Variants in UGT1A5 observed in about 807,000 individuals in gnomAD.
UGT1A5 encodes the protein UDP-glucuronosyltransferase 1A5.
A neutral mutation model predicts 40.3 loss-of-function variants in UGT1A5; 29 were observed. That is an observed-to-expected ratio of 0.72 (90% CI 0.54 to 0.98). The LOEUF (loss-of-function observed/expected upper bound fraction) is 0.98. Ranked by LOEUF, UGT1A5 falls within the 50% of genes least tolerant of loss-of-function variation. The pLI is 0.00. For missense variants in UGT1A5, 678 were observed against 677.9 expected, an observed-to-expected ratio of 1.00 and a Z score of 0.00; for synonymous variants, 257 against 262.5, an observed-to-expected ratio of 0.98 and a Z score of 0.20.
chr2:233,725,079 C>A lies in UGT1A5; in HGVS notation c.867+11221C>A, dbSNP rs370992455. ...GCGCGCGCCTGCAATCGCAGGCACT[C>A]GGCAGGCTGAGGCAGGAGAATCAGG... On this transcript the variant is annotated intron_variant, in intron 1 of 4. Transcript: ENST00000373414. 3.5e-5 allele frequency among the ~76,000 whole-genome samples: 5 copies of A among 144,208 alleles called. 1 individual carries two copies. Among genetic ancestry groups the A allele is most frequent in the Admixed American group, 7.0e-5 (1 of 14,340 alleles). 94.6% of individuals were successfully genotyped at this position (144,208 alleles called of 152,430 possible).
At chr2:233,761,294 G>A in intron 1 of UGT1A5, 1 of 1,510,470 alleles carries the variant, frequency 6.6e-7, no homozygotes, top group East Asian at 2.3e-5. Context: ...TGACTCCTAG[G>A]TTTGAGTCTG....
chr2:233,736,812 A>G (rs2078811468), intron 1 of UGT1A5, among the ~76,000 whole-genome samples: 1 of 152,062 alleles, frequency 6.6e-6, no homozygotes, highest in South Asian at 2.1e-4. Context: ...CTGGAGGTCC[A>G]CTCCAGATGC....
At chr2:233,734,972 G>C (rs1474652770) in intron 1 of UGT1A5, among the ~76,000 whole-genome samples, 2 of 152,238 alleles carry the variant, frequency 1.3e-5, no homozygotes, top group East Asian at 1.9e-4. Context: ...ATGTGGTGCT[G>C]AGAAGAATGT....
At position 233,760,622 on chromosome 2, in the gene UGT1A5, C is replaced by G. The variant is rs766978023; in HGVS notation, c.868-6412C>G. The G allele has an allele frequency of 2.5e-6, 4 of 1,614,144 alleles. No individual in the cohort carries two copies. The East Asian group carries it at 8.9e-5, about 36-fold the overall frequency. ...TCTTTCCTGCAGCGTGTGATCAAAA[C>G]ATACAAGAAAATAAAAAAGGACTCT... On this transcript the variant is annotated intron_variant, in intron 1 of 4. Coordinates refer to ENST00000373414, the MANE Select transcript of UGT1A5 (RefSeq NM_019078.2).
At chr2:233,723,030 C>T (rs1559367712) in intron 1 of UGT1A5, among the ~76,000 whole-genome samples, 1 of 143,404 alleles carries the variant, frequency 7.0e-6, no homozygotes, top group Non-Finnish European at 1.5e-5. Context: ...GAAGGGCCAG[C>T]GGGAGAGGCA....
intron 1 of UGT1A5, among the ~76,000 whole-genome samples, chr2:233,737,441 G>A (rs780915851): frequency 1.6e-4 from 24 of 152,174 alleles, no homozygotes; most frequent in Non-Finnish European, 2.1e-4. Flanking sequence ...GGAGTGTCCC[G>A]TTTTTCCAGG....
rs752305202 is a variant in UGT1A5, at chr2:233,769,534, G to A, written c.1307+1095G>A. ...CTCCCATGGTTACCTCCTTTAGAAA[G>A]AAGCAGCAGTCAGGAAGACAGATGT... On this transcript the variant is annotated intron_variant, in intron 4 of 4. Transcript: ENST00000373414. This position sits in a 1 kb window ranked among gnomAD's most constrained non-coding sequence, Gnocchi z 4.4. 1.9e-6 allele frequency: 3 copies of A among 1,612,926 alleles called. No homozygotes were observed. Among genetic ancestry groups the A allele is most frequent in the Non-Finnish European group, 2.5e-6 (3 of 1,179,884 alleles).
intron 1 of UGT1A5, among the ~76,000 whole-genome samples, chr2:233,742,449 T>C (rs1691982228): frequency 6.6e-6 from 1 of 151,986 alleles, no homozygotes. Flanking sequence ...GGGCCAGGTG[T>C]TCCTTGCCCT....
At position 233,769,700 on chromosome 2, in the gene UGT1A5, T is replaced by A; in HGVS notation, c.1307+1261T>A. The A allele has an allele frequency of 3.3e-6, 5 of 1,527,942 alleles. No homozygotes were observed. The highest frequency in any genetic ancestry group is 4.4e-6 in the Non-Finnish European group (5 of 1,136,410). 94.6% of individuals were successfully genotyped at this position (1,527,942 alleles called of 1,614,324 possible). On this transcript the variant is annotated intron_variant, in intron 4 of 4. Transcript: ENST00000373414. This position sits in a 1 kb window ranked among gnomAD's most constrained non-coding sequence, Gnocchi z 4.4. Reference sequence around the variant, plus strand: ...GTGTGTGGTGGCACTGGATAAAAGATCAATGTTGGCTAGGCACCATGGCAC... The same window carrying A: ...GTGTGTGGTGGCACTGGATAAAAGAACAATGTTGGCTAGGCACCATGGCAC...
chr2:233,726,035 G>A (rs1399776855), intron 1 of UGT1A5, among the ~76,000 whole-genome samples: 10 of 152,160 alleles, frequency 6.6e-5, no homozygotes, highest in Admixed American at 4.6e-4. Context: ...GTGTGATGGC[G>A]CACACCTGTG....
intron 1 of UGT1A5, chr2:233,747,945 G>T (rs1354187104): frequency 6.2e-7 from 1 of 1,613,364 alleles, no homozygotes; most frequent in East Asian, 2.2e-5. Flanking sequence ...GGAGGTGTCA[G>T]TGGTGGATCT....
Position 233,772,452 on chromosome 2 carries a change from G to A in UGT1A5, c.1498G>A (p.Val500Met), listed in dbSNP as rs199723856. 1.2e-4 allele frequency: 186 copies of A among 1,614,176 alleles called. No homozygotes were observed. The highest frequency in any genetic ancestry group is 1.5e-4 in the Non-Finnish European group (177 of 1,180,044). The change falls in exon 5 of 5, where the codon GTG becomes ATG. Residue 500 changes from valine (V) to methionine (M), a missense_variant. Physicochemically the swap from Val to Met is conservative, Grantham distance 21 (BLOSUM62 1). Transcript: ENST00000373414. The stretch of plus-strand genomic sequence containing the variant: ...CGTGATTGGTTTCCTCTTGGCCGTC[G>A]TGCTGACAGTGGCCTTCATCACCTT... ...LDVIGFLLAV[V>M]LTVAFITFKC...
rs182305779 is a variant in UGT1A5, at chr2:233,734,566, T to G, written c.867+20708T>G. ...CTTCCCTTCTGCTAGCTTTTGAATT[T>G]GTTTGCTCTTGCTTATCTAGTTCTT... is the stretch of plus-strand genomic sequence containing the variant. On this transcript the variant is annotated intron_variant, in intron 1 of 4. Transcript: ENST00000373414. Among the ~76,000 whole-genome samples, 19 of 152,196 alleles carry G rather than the reference T, an allele frequency of 1.2e-4. 1 individual carries two copies. Among genetic ancestry groups the G allele is most frequent in the Admixed American group, 1.2e-3 (19 of 15,288 alleles).
chr2:233,758,615 C>CA (rs1696924799), intron 1 of UGT1A5, among the ~76,000 whole-genome samples: 1 of 152,110 alleles, frequency 6.6e-6, no homozygotes, highest in Non-Finnish European at 1.5e-5. Flanking sequence ...TGTGCATGTG[C>CA]ATGCAAAGTA....
At chr2:233,734,256 G>A (rs1200658913) in intron 1 of UGT1A5, among the ~76,000 whole-genome samples, 1 of 151,990 alleles carries the variant, frequency 6.6e-6, no homozygotes, top group Non-Finnish European at 1.5e-5. Flanking sequence ...GTCTTGGGAG[G>A]GTGTATGTGT....
At position 233,772,912 on chromosome 2, in the gene UGT1A5, CAAA is replaced by C. The variant is rs1449737327; in HGVS notation, c.*354_*356del. 1 of 388,968 alleles carries C rather than the reference CAAA, an allele frequency of 2.6e-6. No homozygotes were observed. Among genetic ancestry groups the C allele is most frequent in the Non-Finnish European group, 4.5e-6 (1 of 221,772 alleles). The allele number at this position is 388,968 out of a possible 1,614,324, so 24.1% of individuals were successfully genotyped here. On this transcript the variant is annotated 3_prime_UTR_variant, in exon 5 of 5. Transcript: ENST00000373414. ...GGTGGTCCCACGGCTGCCCCTACTG[CAAA>C]TGGCAGTTTTAATCTTATCTTTTGG...
At chr2:233,743,977 C>A (rs1692620866) in intron 1 of UGT1A5, 2 of 1,309,814 alleles carry the variant, frequency 1.5e-6, no homozygotes, top group Middle Eastern at 2.3e-4. Context: ...CTGCCAGCAC[C>A]CAGGCGCAGG....
At position 233,713,657 on chromosome 2, in the gene UGT1A5, C is replaced by T. The variant is rs763333257; in HGVS notation, c.666C>T (p.Tyr222=). 2.0e-5 allele frequency: 32 copies of T among 1,613,872 alleles called. No homozygotes were observed. In the South Asian group the frequency reaches 2.1e-4, roughly 11 times the overall value. The part of the protein sequence containing the change: ...KNMLYPLALS[Y]LCHAVSAPYA... ...TGCTCTACCCTCTGGCCCTGTCCTACCTTTGCCATGCTGTTTCTGCTCCTT... is the reference window on the plus strand; with the variant it reads ...TGCTCTACCCTCTGGCCCTGTCCTATCTTTGCCATGCTGTTTCTGCTCCTT... Residue 222 remains tyrosine (Y), a synonymous_variant, in exon 1 of 5, where the codon TAC becomes TAT. Transcript: ENST00000373414.
In UGT1A5 at chr2:233,713,099, T is replaced by C. The variant is rs1323075869; in HGVS notation, c.108T>C (p.Thr36=). The C allele has an allele frequency of 1.2e-6, 2 of 1,614,072 alleles. No homozygotes were observed. The highest frequency in any genetic ancestry group is 1.7e-5 in the Admixed American group (1 of 60,006). ...GTGGGAAGGTGCTGGTGGTGCCCAC[T>C]GATGGCAGCCACTGGCTCAGCATGC... is the stretch of plus-strand genomic sequence containing the variant. ...AESGKVLVVP[T]DGSHWLSMRE... Residue 36 remains threonine (T), a synonymous_variant, in exon 1 of 5, where the codon ACT becomes ACC. Coordinates refer to ENST00000373414, the MANE Select transcript of UGT1A5 (RefSeq NM_019078.2).
Sources: allele counts gnomAD v4.1 joint callset (sites outside exome capture counted in the v4.1 genomes callset), GRCh38; gene constraint gnomAD v4.1.1; non-coding constraint Gnocchi (gnomAD v3.1); transcripts MANE v1.5; gene names NCBI Gene and HGNC (gene_info 2026-07-23, HGNC 2026-07-21).